SLC16A9: variants seen among roughly 807,000 people sequenced by gnomAD.
The protein encoded by SLC16A9 is monocarboxylate transporter 9.
SLC16A9 carries 26 observed loss-of-function variants against 44.3 expected under a neutral mutation model. That is an observed-to-expected ratio of 0.59 (90% CI 0.43 to 0.81). SLC16A9 has a LOEUF of 0.81. Ranked by LOEUF, SLC16A9 falls within the 40% of genes least tolerant of loss-of-function variation. SLC16A9 has a pLI of 0.00. For synonymous variants in SLC16A9, 230 were observed against 225.1 expected (o/e 1.02, Z -0.19); for missense variants, 559 against 595.8 (o/e 0.94, Z 0.64).
intron 1 of SLC16A9, among the ~76,000 whole-genome samples, chr10:59,706,960 G>A (rs1840651529): frequency 1.5e-5 from 2 of 131,014 alleles, no homozygotes; most frequent in Non-Finnish European, 3.1e-5. Flanking sequence ...GGTGACAACA[G>A]CAAAACTCCA....
intron 4 of SLC16A9, among the ~76,000 whole-genome samples, chr10:59,662,265 C>G (rs1411209662): frequency 6.7e-6 from 1 of 150,346 alleles, no homozygotes; most frequent in East Asian, 1.9e-4. Context: ...CCAGAATCTA[C>G]AAGGAACATA....
chr10:59,695,615 AATT>A (rs1333661495), intron 1 of SLC16A9, among the ~76,000 whole-genome samples: 1 of 152,056 alleles, frequency 6.6e-6, no homozygotes, highest in Non-Finnish European at 1.5e-5. Flanking sequence ...CCTACACCCA[AATT>A]TCTAACCTAG....
intron 1 of SLC16A9, among the ~76,000 whole-genome samples, chr10:59,698,269 G>A (rs1840445801): frequency 6.6e-6 from 1 of 152,198 alleles, no homozygotes. Context: ...GATCCTTTCA[G>A]GAGAATATGA....
intron 1 of SLC16A9, among the ~76,000 whole-genome samples, chr10:59,695,909 T>C (rs973574804): frequency 1.3e-5 from 2 of 152,146 alleles, no homozygotes; most frequent in South Asian, 4.1e-4. Flanking sequence ...AATTACTTCC[T>C]AGCTTTCCTT....
intron 4 of SLC16A9, among the ~76,000 whole-genome samples, chr10:59,660,926 A>T (rs745827007): frequency 3.3e-5 from 5 of 152,230 alleles, no homozygotes; most frequent in Non-Finnish European, 7.3e-5. Flanking sequence ...CAGTAGATGC[A>T]GAAAAGGCCT....
intron 2 of SLC16A9, among the ~76,000 whole-genome samples, chr10:59,679,506 G>C (rs1839941141): frequency 6.6e-6 from 1 of 152,312 alleles, no homozygotes; most frequent in East Asian, 1.9e-4. Context: ...ATAGGCTGCA[G>C]CTACAATTAC....
chr10:59,660,152 G>C lies in SLC16A9; in HGVS notation c.436+4075C>G, dbSNP rs139389923. Among the ~76,000 whole-genome samples the C allele has an allele frequency of 5.0e-3, 756 of 152,226 alleles. 2 individuals are homozygous for C. Among genetic ancestry groups the C allele is most frequent in the Non-Finnish European group, 7.8e-3 (529 of 68,008 alleles). On this transcript the variant is annotated intron_variant, in intron 4 of 5. Transcript: ENST00000395348. The stretch of plus-strand genomic sequence containing the variant: ...ATGAGACAAGAAATAACTAAGATCA[G>C]AGCAGAACTGAAGGAGATAGAGACA...
chr10:59,703,177 G>T (rs1840562054), intron 1 of SLC16A9, among the ~76,000 whole-genome samples: 1 of 152,128 alleles, frequency 6.6e-6, no homozygotes. Context: ...GGGGTGCAGT[G>T]GTGCAATCAC....
rs1212316515 is a variant in SLC16A9 at position 59,709,542 on chromosome 10, G to T, written c.-100C>A. ...CCCGGCTCAGTGCCCCGTGCGGCCGGGCTGGTGGTGTGGTGGGGATCGCGG... is the reference window on the plus strand; with the variant it reads ...CCCGGCTCAGTGCCCCGTGCGGCCGTGCTGGTGGTGTGGTGGGGATCGCGG... On this transcript the variant is annotated 5_prime_UTR_variant, in exon 1 of 6. Coordinates refer to ENST00000395348, the MANE Select transcript of SLC16A9 (RefSeq NM_194298.3). 1 of 152,320 alleles carries T rather than the reference G, an allele frequency of 6.6e-6. No individual in the cohort carries two copies. Among genetic ancestry groups the T allele is most frequent in the African/African-American group, 2.4e-5 (1 of 41,444 alleles). The allele number at this position is 152,320 out of a possible 1,614,324, so 9.4% of individuals were successfully genotyped here. A position where few individuals can be genotyped will look rare whatever the true frequency, so the allele number is the denominator to read the frequency against.
chr10:59,695,372 T>C (rs1840349653), intron 1 of SLC16A9, among the ~76,000 whole-genome samples: 1 of 152,202 alleles, frequency 6.6e-6, no homozygotes, highest in Admixed American at 6.5e-5. Context: ...TGTGAATTTG[T>C]CAAAACTCAT....
At chr10:59,689,861 T>A (rs1840215002) in intron 1 of SLC16A9, among the ~76,000 whole-genome samples, 2 of 152,234 alleles carry the variant, frequency 1.3e-5, no homozygotes, top group Non-Finnish European at 2.9e-5. Context: ...ATGTGCCATA[T>A]CTATTTTTAT....
intron 4 of SLC16A9, among the ~76,000 whole-genome samples, 195 bp downstream of exon 4, chr10:59,664,031 TA>T (rs71467073): frequency 2.1e-3 from 258 of 122,500 alleles, no homozygotes; most frequent in Middle Eastern, 8.3e-3. Context: ...ATGTAAAATG[TA>T]AAAAAAAAAA....
intron 4 of SLC16A9, among the ~76,000 whole-genome samples, chr10:59,659,425 A>T (rs140451633): frequency 0.011 from 1,743 of 152,276 alleles, 34 homozygotes; most frequent in African/African-American, 0.039. Context: ...AGGGCATTAT[A>T]TAATGGTAAA....
rs74494228 is a variant in SLC16A9 at position 59,672,284 on chromosome 10, T to C, written c.340+486A>G. ...GTCTTATCTCTAAAAAAAATAGTAA[T>C]ACATGCTTTCAAATCTACTTTTTAC... On this transcript the variant is annotated intron_variant, in intron 3 of 5. Transcript: ENST00000395348. 7.2e-3 allele frequency among the ~76,000 whole-genome samples: 1,103 copies of C among 152,276 alleles called. 15 individuals carry two copies. Among genetic ancestry groups the C allele is most frequent in the African/African-American group, 0.026 (1,065 of 41,550 alleles).
intron 1 of SLC16A9, among the ~76,000 whole-genome samples, chr10:59,693,769 G>C (rs369810207): frequency 1.1e-3 from 161 of 151,180 alleles, no homozygotes; most frequent in Admixed American, 1.9e-3. Context: ...ACAGGCGCCC[G>C]CCACCACACC....
chr10:59,672,968 T>C, intron 2 of SLC16A9, 55 bp from the exon 3 acceptor site: 6 of 1,506,934 alleles, frequency 4.0e-6, no homozygotes, highest in Non-Finnish European at 5.4e-6. Flanking sequence ...CCATCATAAG[T>C]TCAAAATGAT....
At chr10:59,663,685 C>A (rs1839538797) in intron 4 of SLC16A9, among the ~76,000 whole-genome samples, 1 of 152,018 alleles carries the variant, frequency 6.6e-6, no homozygotes, top group African/African-American at 2.4e-5. Context: ...TGCAGCAAAC[C>A]ACCGTGGCAC....
chr10:59,673,739 G>A (rs1398313939), intron 2 of SLC16A9, among the ~76,000 whole-genome samples: 4 of 152,112 alleles, frequency 2.6e-5, no homozygotes, highest in African/African-American at 4.8e-5. Context: ...TACTAAAGCC[G>A]AACACAGCAC....
intron 1 of SLC16A9, among the ~76,000 whole-genome samples, chr10:59,691,509 T>G (rs1241814973): frequency 6.6e-6 from 1 of 152,118 alleles, no homozygotes; most frequent in Non-Finnish European, 1.5e-5. Flanking sequence ...ATTATGAGCC[T>G]CCCTTGGAGG....
Sources: gnomAD v4.1 joint callset for allele counts (sites outside exome capture counted in the v4.1 genomes callset) on GRCh38, gnomAD v4.1.1 for gene constraint, MANE v1.5 for transcripts, NCBI Gene and HGNC (gene_info 2026-07-23, HGNC 2026-07-21) for gene names.